The following P4HA1 variants were observed in gnomAD, a reference collection of about 807,000 sequenced individuals.
The protein encoded by P4HA1 is prolyl 4-hydroxylase subunit alpha 1.
A neutral mutation model predicts 72.8 loss-of-function variants in P4HA1; 24 were observed. That is an observed-to-expected ratio of 0.33 (90% CI 0.24 to 0.46). The LOEUF (loss-of-function observed/expected upper bound fraction) is 0.46. P4HA1 is among the 20% of genes least tolerant of loss of function. P4HA1 has a pLI of 1.00. For missense variants in P4HA1, 446 were observed against 640.6 expected, an observed-to-expected ratio of 0.70 and a Z score of 3.28; for synonymous variants, 201 against 218.8, an observed-to-expected ratio of 0.92 and a Z score of 0.72.
chr10:73,093,876 ATAT>A (rs1328119820), intron 1 of P4HA1, among the ~76,000 whole-genome samples: 20 of 54,640 alleles, frequency 3.7e-4, no homozygotes, highest in African/African-American at 1.5e-3. Flanking sequence ...AAAAAAAAAT[ATAT>A]ATATATATAT....
At position 73,047,944 on chromosome 10, in the gene P4HA1, T is replaced by C. The variant is rs116627113; in HGVS notation, c.901-843A>G. ...GCACTTGCCTGTAGTCCCACATACT[T>C]GAGGGGCTGAAATGGGAGGACTGCT... On this transcript the variant is annotated intron_variant, in intron 7 of 14. Transcript: ENST00000394890. Among the ~76,000 whole-genome samples, 422 of 152,132 alleles carry C rather than the reference T, an allele frequency of 2.8e-3. 1 individual carries two copies. The highest frequency in any genetic ancestry group is 9.8e-3 in the African/African-American group (405 of 41,492).
intron 5 of P4HA1, among the ~76,000 whole-genome samples, chr10:73,062,670 AAGAGTCACTAAAATGCCC>A (rs1841338670): frequency 6.6e-6 from 1 of 152,220 alleles, no homozygotes; most frequent in South Asian, 2.1e-4. Context: ...ATACACTTCA[AAGAGTCACTAAAATGCCC>A]AGAACCGGAC....
chr10:73,086,916 AGAGT>A (rs1345391991), intron 1 of P4HA1, among the ~76,000 whole-genome samples: 3 of 141,300 alleles, frequency 2.1e-5, no homozygotes, highest in Admixed American at 7.1e-5. Context: ...CCTGGGTAAA[AGAGT>A]GAGAGTGCAT....
chr10:73,094,285 G>A (rs1396663748), intron 1 of P4HA1, among the ~76,000 whole-genome samples: 1 of 152,080 alleles, frequency 6.6e-6, no homozygotes, highest in East Asian at 1.9e-4. Flanking sequence ...TGCCCAGCTC[G>A]ATTTTCAGAA....
Position 73,051,114 on chromosome 10 carries a change from A to C in P4HA1, c.839T>G (p.Val280Gly). 6.2e-7 allele frequency: 1 copy of C among 1,614,088 alleles called. No individual in the cohort carries two copies. Among genetic ancestry groups the C allele is most frequent in the Non-Finnish European group, 8.5e-7 (1 of 1,179,998 alleles). ...CTTCTGTCTCTCTGGCAGGTAATCC[A>C]CAGCAACCCCTTTTTTCTTTGGTGT... Reference protein sequence around the residue: ...KTTPKKKGVAVDYLPERQKYE... With the variant: ...KTTPKKKGVAGDYLPERQKYE... The change falls in exon 7 of 15, where the codon GTG becomes GGG. Residue 280 changes from valine to glycine, a missense_variant. Transcript: ENST00000394890.
chr10:73,069,474 T>G (rs1011135552), intron 4 of P4HA1, among the ~76,000 whole-genome samples: 1 of 152,186 alleles, frequency 6.6e-6, no homozygotes. Flanking sequence ...TTTGGTGGAA[T>G]TCTTCAAGGA....
At chr10:73,072,551 C>T (rs1052722186) in intron 3 of P4HA1, among the ~76,000 whole-genome samples, 1 of 152,162 alleles carries the variant, frequency 6.6e-6, no homozygotes, top group African/African-American at 2.4e-5. Flanking sequence ...AATTCAATTA[C>T]ATGTTCATTT....
rs183735967 is a variant in P4HA1 at position 73,063,402 on chromosome 10, C to T, written c.463+5444G>A. Among the ~76,000 whole-genome samples, 722 of 152,308 alleles carry T rather than the reference C, an allele frequency of 4.7e-3. 5 individuals are homozygous for T. Among genetic ancestry groups the T allele is most frequent in the Non-Finnish European group, 7.5e-3 (512 of 68,024 alleles). On this transcript the variant is annotated intron_variant, in intron 5 of 14. Coordinates refer to ENST00000394890, the MANE Select transcript of P4HA1 (RefSeq NM_001017962.3). ...GGGCCTTAAATCCCATTCCTGTAGG[C>T]CCCACCTCTTAATACCATCACACTG...
At chr10:73,067,057 A>G (rs540757397) in intron 5 of P4HA1, among the ~76,000 whole-genome samples, 1 of 152,242 alleles carries the variant, frequency 6.6e-6, no homozygotes, top group Admixed American at 6.5e-5. Context: ...TTGTAGAGTC[A>G]GGGAATTGCT....
At chr10:73,062,025 AT>A (rs1460903019) in intron 5 of P4HA1, among the ~76,000 whole-genome samples, 26 of 152,354 alleles carry the variant, frequency 1.7e-4, no homozygotes, top group African/African-American at 5.3e-4. Flanking sequence ...CCTCAAAAAA[AT>A]AAATTTTAAT....
intron 5 of P4HA1, among the ~76,000 whole-genome samples, chr10:73,062,006 G>A (rs1348993612): frequency 2.0e-5 from 3 of 152,156 alleles, no homozygotes; most frequent in East Asian, 1.9e-4. Flanking sequence ...CTGATAGAGT[G>A]AAATCTTGCC....
intron 1 of P4HA1, among the ~76,000 whole-genome samples, chr10:73,079,062 T>C (rs1353517052): frequency 6.6e-6 from 1 of 152,258 alleles, no homozygotes; most frequent in Admixed American, 6.5e-5. Flanking sequence ...AGTTAATTAC[T>C]CTCTAACAAA....
chr10:73,021,263 C>T (rs1467046044), intron 10 of P4HA1, among the ~76,000 whole-genome samples: 2 of 152,098 alleles, frequency 1.3e-5, no homozygotes, highest in Non-Finnish European at 2.9e-5. Flanking sequence ...TACAGAGGTT[C>T]CCTTAAAAAC....
intron 5 of P4HA1, among the ~76,000 whole-genome samples, chr10:73,065,706 C>G (rs576950937): frequency 6.6e-6 from 1 of 152,050 alleles, no homozygotes; most frequent in Non-Finnish European, 1.5e-5. Context: ...GATGAAAAAC[C>G]AAATACCCTA....
At chr10:73,049,802 G>C (rs1840969985) in intron 7 of P4HA1, among the ~76,000 whole-genome samples, 1 of 152,084 alleles carries the variant, frequency 6.6e-6, no homozygotes, top group Non-Finnish European at 1.5e-5. Context: ...AAACTACAAG[G>C]GATTATTGTA....
At chr10:73,036,794 CATT>C (rs1840585905) in intron 9 of P4HA1, among the ~76,000 whole-genome samples, 1 of 152,172 alleles carries the variant, frequency 6.6e-6, no homozygotes, top group Non-Finnish European at 1.5e-5. Flanking sequence ...TCTTCAGTGA[CATT>C]ATTATAGACA....
intron 4 of P4HA1, 120 bp downstream of exon 4, chr10:73,071,909 G>T: frequency 1.5e-6 from 1 of 649,436 alleles, no homozygotes; most frequent in Non-Finnish European, 2.5e-6. Flanking sequence ...ATGCACCCAG[G>T]CATAATCCAG....
chr10:73,085,860 G>A (rs375699486), intron 1 of P4HA1, among the ~76,000 whole-genome samples: 3 of 152,156 alleles, frequency 2.0e-5, no homozygotes, highest in Non-Finnish European at 2.9e-5. Flanking sequence ...GGGTACAGTG[G>A]CATACGCCTG....
intron 1 of P4HA1, among the ~76,000 whole-genome samples, chr10:73,075,243 G>A (rs1414127967): frequency 1.3e-5 from 2 of 152,056 alleles, no homozygotes; most frequent in Non-Finnish European, 2.9e-5. Context: ...AAGTAGTTGG[G>A]ACCAAAGGTG....
Sources: gnomAD v4.1 joint callset for allele counts (sites outside exome capture counted in the v4.1 genomes callset) on GRCh38, gnomAD v4.1.1 for gene constraint, MANE v1.5 for transcripts, NCBI Gene and HGNC (gene_info 2026-07-23, HGNC 2026-07-21) for gene names.